WWP2: variants seen among roughly 807,000 people sequenced by gnomAD.
WWP2 encodes WW domain containing E3 ubiquitin protein ligase 2.
In WWP2, 57 loss-of-function variants were observed where a neutral mutation model predicts 121.0. That is an observed-to-expected ratio of 0.47 (90% CI 0.38 to 0.59). The LOEUF (loss-of-function observed/expected upper bound fraction) is 0.59, where lower values mean the gene tolerates loss of function less well. WWP2 is among the 20% of genes least tolerant of loss of function. The pLI, the probability that WWP2 is intolerant of heterozygous loss-of-function variation, is 0.00. For synonymous variants in WWP2, 449 were observed against 441.3 expected (o/e 1.02, Z -0.22); for missense variants, 962 against 1,158.9 (o/e 0.83, Z 2.47).
In WWP2 at chr16:69,925,500, T is replaced by C. The variant is rs377409611; in HGVS notation, c.1234+16T>C. 1.7e-5 allele frequency: 28 copies of C among 1,613,344 alleles called. No individual in the cohort carries two copies. In the African/African-American group the frequency reaches 3.3e-4, roughly 19 times the overall value. On this transcript the variant is annotated intron_variant, in intron 11 of 23. Transcript: ENST00000359154. The surrounding 1 kb of genome is among the most constrained non-coding windows in gnomAD (Gnocchi z 4.0). ...CCTGGCTGGGGTAAGTACTGAGTTCTCTTCCTGGCCCTTGGCCTTCCGTCA... is the reference window on the plus strand; with the variant it reads ...CCTGGCTGGGGTAAGTACTGAGTTCCCTTCCTGGCCCTTGGCCTTCCGTCA...
At chr16:69,882,110 G>A (rs189729688) in intron 7 of WWP2, among the ~76,000 whole-genome samples, 316 of 151,872 alleles carry the variant, frequency 2.1e-3, no homozygotes, top group Non-Finnish European at 3.3e-3. Flanking sequence ...ATGAGCCACC[G>A]CGCCCAGCCT....
At chr16:69,818,632 G>A (rs2056539338) in intron 4 of WWP2, among the ~76,000 whole-genome samples, 1 of 152,084 alleles carries the variant, frequency 6.6e-6, no homozygotes, top group Admixed American at 6.5e-5. Flanking sequence ...GTAATCACTG[G>A]CCTTATAGAT....
chr16:69,879,399 G>A (rs750121823), intron 7 of WWP2, among the ~76,000 whole-genome samples: 2 of 149,582 alleles, frequency 1.3e-5, no homozygotes, highest in Admixed American at 6.7e-5. Flanking sequence ...ACCGGCCCCC[G>A]CCCACAGCCC....
At chr16:69,804,079 A>G in intron 4 of WWP2, among the ~76,000 whole-genome samples, 1 of 150,260 alleles carries the variant, frequency 6.7e-6, no homozygotes, top group East Asian at 1.9e-4. Context: ...TTGGTATTGA[A>G]AGAACTCTTT....
intron 9 of WWP2, among the ~76,000 whole-genome samples, chr16:69,911,640 A>T (rs1277224801): frequency 6.6e-6 from 1 of 152,190 alleles, no homozygotes; most frequent in Non-Finnish European, 1.5e-5. Flanking sequence ...CAAGATTTCA[A>T]CTGAAATAAA....
In WWP2 at chr16:69,907,883, T is replaced by C. The variant is rs141474673; in HGVS notation, c.915-878T>C. On this transcript the variant is annotated intron_variant, in intron 8 of 23. Coordinates refer to ENST00000359154, the MANE Select transcript of WWP2 (RefSeq NM_001270454.2). The stretch of plus-strand genomic sequence containing the variant: ...TAAGATACTCTGTAAATGAATCTTA[T>C]ATTACAAAAATAAATGTGAGCATGA... 4.5e-3 allele frequency among the ~76,000 whole-genome samples: 682 copies of C among 152,340 alleles called. 6 individuals carry two copies. Among genetic ancestry groups the C allele is most frequent in the African/African-American group, 0.015 (603 of 41,572 alleles).
At position 69,826,938 on chromosome 16, in the gene WWP2, CA is replaced by C. The variant is rs542288952; in HGVS notation, c.341-13172del. On this transcript the variant is annotated intron_variant, in intron 4 of 23. Transcript: ENST00000359154. Reference sequence around the variant, plus strand: ...TGGGTGACAGAGCGAGACTCCACCTCAAAAAAAAAAAAAAAAGGGGGGGGGG... The same window carrying C: ...TGGGTGACAGAGCGAGACTCCACCTCAAAAAAAAAAAAAAAGGGGGGGGGG... 2.8e-3 allele frequency among the ~76,000 whole-genome samples: 236 copies of C among 85,154 alleles called. 1 individual carries two copies. The highest frequency in any genetic ancestry group is 0.01 in the African/African-American group (215 of 21,278). 55.9% of individuals were successfully genotyped at this position (85,154 alleles called of 152,430 possible). A position where few individuals can be genotyped will look rare whatever the true frequency, so the allele number is the denominator to read the frequency against.
chr16:69,858,216 C>T (rs555523417), intron 6 of WWP2, among the ~76,000 whole-genome samples: 11 of 151,994 alleles, frequency 7.2e-5, no homozygotes, highest in Non-Finnish European at 1.6e-4. Context: ...ATTTCTTCCA[C>T]CTGGTTTGTG....
intron 10 of WWP2, among the ~76,000 whole-genome samples, chr16:69,922,245 C>T (rs1161855097): frequency 6.6e-6 from 1 of 151,452 alleles, no homozygotes; most frequent in African/African-American, 2.4e-5. Context: ...TCTGGTGCAT[C>T]CTTAAAAAAA....
intron 9 of WWP2, among the ~76,000 whole-genome samples, chr16:69,917,020 ACT>A (rs1235329944): frequency 6.6e-6 from 1 of 152,074 alleles, no homozygotes; most frequent in African/African-American, 2.4e-5. Flanking sequence ...AAACAGTGAG[ACT>A]CTGTCTCAAA....
intron 1 of WWP2, among the ~76,000 whole-genome samples, chr16:69,763,458 C>T (rs537893126): frequency 6.6e-5 from 10 of 152,304 alleles, no homozygotes; most frequent in African/African-American, 1.9e-4. Context: ...GTAACTGGAA[C>T]GAATGTTCAA....
At chr16:69,875,772 C>G (rs1196725757) in intron 7 of WWP2, among the ~76,000 whole-genome samples, 5 of 152,140 alleles carry the variant, frequency 3.3e-5, no homozygotes, top group Non-Finnish European at 7.4e-5. Context: ...AGCTCTCTTG[C>G]TATTTCCACC....
At chr16:69,806,664 G>A (rs544609297) in intron 4 of WWP2, among the ~76,000 whole-genome samples, 11 of 151,684 alleles carry the variant, frequency 7.3e-5, no homozygotes, top group Admixed American at 3.3e-4. Flanking sequence ...TGAGAAAATC[G>A]GTTCATGAGA....
intron 2 of WWP2, 35 bp downstream of exon 2, chr16:69,787,115 A>G: frequency 1.3e-6 from 2 of 1,575,522 alleles, no homozygotes; most frequent in Non-Finnish European, 1.7e-6. Context: ...CATCTTGTCT[A>G]CGCCCAGGGA....
rs185895798 is a variant in WWP2 at position 69,819,581 on chromosome 16, T to C, written c.340+20286T>C. On this transcript the variant is annotated intron_variant, in intron 4 of 23. Coordinates refer to ENST00000359154, the MANE Select transcript of WWP2 (RefSeq NM_001270454.2). ...AATACTGTCTTCATTTTAATTTAAT[T>C]TAATTTTCTAGAGATGGGATCTCAC... Among the ~76,000 whole-genome samples, 1,367 of 152,252 alleles carry C rather than the reference T, an allele frequency of 9.0e-3. 10 individuals are homozygous for C. Among genetic ancestry groups the C allele is most frequent in the Middle Eastern group, 0.02 (6 of 294 alleles).
intron 1 of WWP2, among the ~76,000 whole-genome samples, chr16:69,782,510 A>G (rs1438500324): frequency 6.6e-6 from 1 of 152,158 alleles, no homozygotes; most frequent in Non-Finnish European, 1.5e-5. Flanking sequence ...GATGCTGCCA[A>G]TAGGTCAGTC....
rs114206947 is a variant in WWP2, at chr16:69,843,948, C to T, written c.575+1828C>T. On this transcript the variant is annotated intron_variant, in intron 6 of 23. Transcript: ENST00000359154. The stretch of plus-strand genomic sequence containing the variant: ...AAATGGAATATGATTTTAGCCAATA[C>T]CCGCAGCATCTTAAAAGATCCCTCT... 8.0e-3 allele frequency among the ~76,000 whole-genome samples: 1,212 copies of T among 152,296 alleles called. 16 individuals carry two copies. Among genetic ancestry groups the T allele is most frequent in the African/African-American group, 0.028 (1,144 of 41,558 alleles).
chr16:69,936,208 C>G lies in WWP2; in HGVS notation c.1977-104C>G, dbSNP rs2058795553. On this transcript the variant is annotated intron_variant, in intron 18 of 23. Transcript: ENST00000359154. ...CTGTCCCCTGTCACTGTTCAGGATTCTAGGCCACCTGTGGGCCCTTGGTGT... is the reference window on the plus strand; with the variant it reads ...CTGTCCCCTGTCACTGTTCAGGATTGTAGGCCACCTGTGGGCCCTTGGTGT... 8.4e-6 allele frequency: 13 copies of G among 1,550,152 alleles called. No homozygotes were observed. The South Asian group carries it at 1.6e-4, about 19-fold the overall frequency.
intron 8 of WWP2, among the ~76,000 whole-genome samples, chr16:69,904,005 T>A (rs1367880927): frequency 2.6e-5 from 4 of 152,104 alleles, no homozygotes; most frequent in Non-Finnish European, 5.9e-5. Context: ...TGCTGGAGAG[T>A]TCTCAGCTAC....
Sources: allele counts gnomAD v4.1 joint callset (sites outside exome capture counted in the v4.1 genomes callset), GRCh38; gene constraint gnomAD v4.1.1; non-coding constraint Gnocchi (gnomAD v3.1); transcripts MANE v1.5; gene names NCBI Gene and HGNC (gene_info 2026-07-23, HGNC 2026-07-21).